MASP1: variants seen among roughly 807,000 people sequenced by gnomAD.
MASP1 encodes the protein MBL associated serine protease 1, also known as mannan-binding lectin serine protease 1.
MASP1 carries 59 observed loss-of-function variants against 77.1 expected under a neutral mutation model. The ratio of observed to expected loss-of-function variants is 0.77; its 90% CI spans 0.62 to 0.95. The LOEUF is 0.95. Among genes scored for constraint, MASP1 ranks in the 40% least tolerant of loss-of-function variants. The pLI, the probability that MASP1 is intolerant of heterozygous loss-of-function variation, is 0.00. For synonymous variants in MASP1, 362 were observed against 354.5 expected (o/e 1.02, Z -0.24); for missense variants, 885 against 912.9 (o/e 0.97, Z 0.39).
rs1371777238 is a variant in MASP1, at chr3:187,234,925, C to T, written c.*759G>A. 7.8e-7 allele frequency: 1 copy of T among 1,287,216 alleles called. No homozygotes were observed. Among genetic ancestry groups the T allele is most frequent in the Admixed American group, 2.3e-5 (1 of 43,566 alleles). The allele number at this position is 1,287,216 out of a possible 1,614,324, so 79.7% of individuals were successfully genotyped here. On this transcript the variant is annotated 3_prime_UTR_variant, in exon 11 of 11. Transcript: ENST00000296280. Reference sequence around the variant, plus strand: ...CTGGTGTTCCAGGGTGGCATATGGGCCCAAATGTGTTCTGAGTTGACAATG... The same window carrying T: ...CTGGTGTTCCAGGGTGGCATATGGGTCCAAATGTGTTCTGAGTTGACAATG...
chr3:187,246,198 G>C (rs984662311), intron 8 of MASP1, among the ~76,000 whole-genome samples: 1 of 152,168 alleles, frequency 6.6e-6, no homozygotes, highest in Non-Finnish European at 1.5e-5. Context: ...ACTGGGCAGG[G>C]CTGCTTCCTT....
chr3:187,259,040 G>C (rs947110909), intron 4 of MASP1, among the ~76,000 whole-genome samples: 3 of 152,198 alleles, frequency 2.0e-5, no homozygotes, highest in Admixed American at 6.5e-5. Flanking sequence ...AGTTCTGTGA[G>C]TGCAGGAATT....
chr3:187,219,870 C>A, exon 16 of MASP1: 1 of 623,976 alleles, frequency 1.6e-6, no homozygotes, highest in Admixed American at 2.4e-5. Context: ...TGGATTCGGC[C>A]TGTGTTCTGA....
At position 187,256,716 on chromosome 3, in the gene MASP1, A is replaced by G. The variant is rs1452323324; in HGVS notation, c.692T>C (p.Ile231Thr). The change falls in exon 5 of 11, where the codon ATA becomes ACA. Residue 231 changes from isoleucine (I) to threonine (T), a missense_variant. Coordinates refer to ENST00000296280, the MANE Select transcript of MASP1 (RefSeq NM_139125.4). The stretch of plus-strand genomic sequence containing the variant: ...CTCAGGATGGTCCTCAATGTCAAAT[A>G]TGTCCTCAAACTGCAGGTTGACCAT... ...GFMVNLQFED[I>T]FDIEDHPEVP... 7 of 1,613,924 alleles carry G rather than the reference A, an allele frequency of 4.3e-6. No homozygotes were observed. The highest frequency in any genetic ancestry group is 5.9e-6 in the Non-Finnish European group (7 of 1,180,006).
intron 14 of MASP1, among the ~76,000 whole-genome samples, chr3:187,221,923 G>A (rs559005273): frequency 6.6e-6 from 1 of 152,268 alleles, no homozygotes; most frequent in East Asian, 1.9e-4. Flanking sequence ...GTAGATGTCT[G>A]GAATAAAAAG....
chr3:187,228,588 C>A lies in MASP1; in HGVS notation c.1441+1172G>T, dbSNP rs542137101. 7.9e-5 allele frequency among the ~76,000 whole-genome samples: 12 copies of A among 152,222 alleles called. No homozygotes were observed. In the South Asian group the frequency reaches 2.5e-3, roughly 32 times the overall value. On this transcript the variant is annotated intron_variant, in intron 11 of 15. Coordinates refer to the MASP1 transcript ENST00000337774. ...CTCTTTACTCTCTTCAATCCTCTAT[C>A]TTATTTTCCAGGTATCTCTCAGTGT...
chr3:187,220,367 T>A, intron 15 of MASP1: 1 of 1,006,134 alleles, frequency 9.9e-7, no homozygotes, highest in East Asian at 2.6e-5. Flanking sequence ...CTAGAGGGCA[T>A]AGCAGACCGT....
In MASP1 at chr3:187,235,409, C is replaced by T; in HGVS notation, c.*275G>A. 1 of 1,476,268 alleles carries T rather than the reference C, an allele frequency of 6.8e-7. No individual in the cohort carries two copies. Among genetic ancestry groups the T allele is most frequent in the Non-Finnish European group, 9.0e-7 (1 of 1,110,454 alleles). The allele number at this position is 1,476,268 out of a possible 1,614,324, so 91.4% of individuals were successfully genotyped here. On this transcript the variant is annotated 3_prime_UTR_variant, in exon 11 of 11. Transcript: ENST00000296280. ...AGGAGTGCTGGGATTGGCACAGAGGCCTTGGTTGAGCTCCTGCATTGTATT... is the reference window on the plus strand; with the variant it reads ...AGGAGTGCTGGGATTGGCACAGAGGTCTTGGTTGAGCTCCTGCATTGTATT...
chr3:187,257,633 C>T (rs1715205596), intron 4 of MASP1, among the ~76,000 whole-genome samples: 1 of 152,180 alleles, frequency 6.6e-6, no homozygotes, highest in African/African-American at 2.4e-5. Flanking sequence ...CATCTTCCTG[C>T]CTTGGCCTCC....
At chr3:187,262,313 A>G (rs1715649148) in intron 3 of MASP1, among the ~76,000 whole-genome samples, 1 of 152,236 alleles carries the variant, frequency 6.6e-6, no homozygotes, top group African/African-American at 2.4e-5. Context: ...AGGAAGAAGT[A>G]TACTGATGTC....
At chr3:187,243,723 A>G (rs1191270136) in intron 8 of MASP1, 102 bp from the exon 9 acceptor site, 6 of 1,411,456 alleles carry the variant, frequency 4.3e-6, no homozygotes, top group Non-Finnish European at 6.0e-6. Flanking sequence ...TGCACTGCAC[A>G]CAATTCCAGA....
chr3:187,265,101 A>C (rs1001358803), intron 2 of MASP1, among the ~76,000 whole-genome samples: 1 of 152,164 alleles, frequency 6.6e-6, no homozygotes, highest in Non-Finnish European at 1.5e-5. Flanking sequence ...CAGTTCTAAC[A>C]AATCATCATA....
intron 10 of MASP1, among the ~76,000 whole-genome samples, chr3:187,238,503 G>A (rs1713359764): frequency 6.6e-6 from 1 of 152,194 alleles, no homozygotes; most frequent in Non-Finnish European, 1.5e-5. Flanking sequence ...TCCCCACCCA[G>A]TCTTTCCTGG....
At chr3:187,219,884 C>T in exon 16 of MASP1, 1 of 657,772 alleles carries the variant, frequency 1.5e-6, no homozygotes, top group South Asian at 1.8e-5. Flanking sequence ...GTTCTGACCA[C>T]TCTCTTGCTC....
chr3:187,266,360 C>T (rs1305163063), intron 2 of MASP1, among the ~76,000 whole-genome samples: 5 of 152,118 alleles, frequency 3.3e-5, no homozygotes, highest in Non-Finnish European at 5.9e-5. Context: ...AGGAATGTGA[C>T]ACTTGGTAGA....
At chr3:187,228,408 TC>T (rs1560231933) in intron 11 of MASP1, among the ~76,000 whole-genome samples, 2 of 152,106 alleles carry the variant, frequency 1.3e-5, no homozygotes, top group Admixed American at 6.5e-5. Context: ...AGCAGAGTCT[TC>T]CCTCCCTCTG....
chr3:187,273,711 G>A (rs1397935331), intron 2 of MASP1, among the ~76,000 whole-genome samples: 2 of 152,202 alleles, frequency 1.3e-5, no homozygotes, highest in African/African-American at 4.8e-5. Context: ...AAAGGCACCT[G>A]ATACCAGATA....
intron 2 of MASP1, among the ~76,000 whole-genome samples, chr3:187,267,567 C>T (rs710472): frequency 0.97 from 147,667 of 152,000 alleles, 71,857 homozygotes; most frequent in Middle Eastern, 1. Context: ...ATGTGTCCAA[C>T]ACATCCTCAC....
intron 9 of MASP1, chr3:187,241,799 A>C: frequency 2.3e-6 from 1 of 443,986 alleles, no homozygotes; most frequent in Non-Finnish European, 4.2e-6. Context: ...ATATCTTCAA[A>C]TACCCACAGG....
Sources: gnomAD v4.1 joint callset for allele counts (sites outside exome capture counted in the v4.1 genomes callset) on GRCh38, gnomAD v4.1.1 for gene constraint, MANE v1.5 for transcripts, NCBI Gene and HGNC (gene_info 2026-07-23, HGNC 2026-07-21) for gene names.